Variants in CEP57L1 observed in about 807,000 individuals in gnomAD.
CEP57L1 encodes the protein centrosomal protein CEP57L1.
A neutral mutation model predicts 61.0 loss-of-function variants in CEP57L1; 37 were observed. The observed-to-expected ratio is 0.61, with a 90% CI of 0.47 to 0.80. The LOEUF is 0.80. CEP57L1 is among the 30% of genes least tolerant of loss of function. The pLI is 0.00. For synonymous variants in CEP57L1, 137 were observed against 162.3 expected (o/e 0.84, Z 1.19); for missense variants, 422 against 524.7 (o/e 0.80, Z 1.91).
rs138417096 is a variant in CEP57L1 at position 109,159,038 on chromosome 6, T to C, written c.758T>C (p.Ile253Thr). Residue 253 changes from isoleucine (I) to threonine (T), a missense_variant, in exon 8 of 11, where the codon ATA becomes ACA. Physicochemically the swap from Ile to Thr is moderately conservative, Grantham distance 89 (BLOSUM62 -1). Coordinates refer to ENST00000517392, the MANE Select transcript of CEP57L1 (RefSeq NM_001271852.3). ...GCCAATCTCTAGAAAACTAAATGTA[T>C]AAAGAGACGACCACCTTGGCAAATT... Reference protein sequence around the residue: ...KKKSSKKTKCIKRRPPWQICS... With the variant: ...KKKSSKKTKCTKRRPPWQICS... The C allele has an allele frequency of 5.6e-5, 90 of 1,613,176 alleles. 1 individual carries two copies. The African/African-American group carries it at 8.8e-4, about 16-fold the overall frequency.
intron 3 of CEP57L1, among the ~76,000 whole-genome samples, chr6:109,149,871 C>T (rs1288084449): frequency 1.3e-5 from 2 of 152,090 alleles, no homozygotes; most frequent in Admixed American, 6.5e-5. Flanking sequence ...ATTTTATTCT[C>T]TTTGAAGCAA....
intron 10 of CEP57L1, among the ~76,000 whole-genome samples, chr6:109,161,874 T>G (rs981489702): frequency 6.6e-6 from 1 of 152,086 alleles, no homozygotes; most frequent in Non-Finnish European, 1.5e-5. Context: ...TAATAAAAAT[T>G]GACTGTTAGC....
intron 10 of CEP57L1, among the ~76,000 whole-genome samples, chr6:109,162,208 C>T (rs1773776458): frequency 2.0e-5 from 3 of 151,976 alleles, no homozygotes; most frequent in African/African-American, 7.2e-5. Context: ...CATATTTATA[C>T]ACACACATAT....
Position 109,155,811 on chromosome 6 carries a change from C to G in CEP57L1, c.678C>G (p.Ile226Met), listed in dbSNP as rs767364253. ...TACAGCTTCAAACTGGACTTGAAAT[C>G]AGTAAAATTATAATGTCTTCAGTTT... is the stretch of plus-strand genomic sequence containing the variant. ...KASELQTGLE[I>M]SKIIMSSVSN... Residue 226 changes from isoleucine (I) to methionine (M), a missense_variant, in exon 7 of 11, where the codon ATC (isoleucine) becomes ATG (methionine). Ile to Met is a conservative substitution (Grantham distance 10, BLOSUM62 1). Coordinates refer to ENST00000517392, the MANE Select transcript of CEP57L1 (RefSeq NM_001271852.3). 1.9e-6 allele frequency: 3 copies of G among 1,563,610 alleles called. No homozygotes were observed. In the Admixed American group the frequency reaches 5.1e-5, roughly 27 times the overall value.
chr6:109,140,206 C>T (rs1029069154), intron 1 of CEP57L1, among the ~76,000 whole-genome samples: 1 of 151,810 alleles, frequency 6.6e-6, no homozygotes, highest in African/African-American at 2.4e-5. Flanking sequence ...GATTCTCCTC[C>T]CTCAGCCTCC....
At chr6:109,100,212 C>G (rs1218009151) in intron 1 of CEP57L1, 1 of 151,972 alleles carries the variant, frequency 6.6e-6, no homozygotes, top group Non-Finnish European at 1.5e-5. Flanking sequence ...CTAGTACAAA[C>G]TTAATAAATG....
intron 1 of CEP57L1, among the ~76,000 whole-genome samples, chr6:109,128,921 G>A (rs964804116): frequency 3.9e-5 from 6 of 152,156 alleles, no homozygotes; most frequent in African/African-American, 1.2e-4. Context: ...ACTGAAGGCC[G>A]GGCACAGTGG....
chr6:109,101,840 C>G (rs926411237), intron 1 of CEP57L1, among the ~76,000 whole-genome samples: 2 of 152,100 alleles, frequency 1.3e-5, no homozygotes, highest in Admixed American at 6.6e-5. Context: ...AAGATGGTCT[C>G]GATCTCCTGA....
At chr6:109,157,922 C>T (rs1260597417) in intron 7 of CEP57L1, 2 of 152,146 alleles carry the variant, frequency 1.3e-5, no homozygotes, top group Non-Finnish European at 2.9e-5. Context: ...AGATACAGAA[C>T]TCTTCCACCA....
chr6:109,155,629 A>G (rs760764467), intron 6 of CEP57L1, among the ~76,000 whole-genome samples, 162 bp from the exon 7 acceptor site: 3 of 151,986 alleles, frequency 2.0e-5, no homozygotes, highest in Non-Finnish European at 2.9e-5. Context: ...AATTACCAAT[A>G]GACTTAGTGA....
intron 1 of CEP57L1, among the ~76,000 whole-genome samples, chr6:109,096,019 A>G (rs545952875): frequency 6.6e-6 from 1 of 152,320 alleles, no homozygotes; most frequent in South Asian, 2.1e-4. Flanking sequence ...ATCTCGTAAA[A>G]GAATCCCCAG....
Position 109,146,779 on chromosome 6 carries a change from C to A in CEP57L1, c.182C>A (p.Thr61Asn). 1 of 1,574,796 alleles carries A rather than the reference C, an allele frequency of 6.4e-7. No individual in the cohort carries two copies. Among genetic ancestry groups the A allele is most frequent in the Non-Finnish European group, 8.6e-7 (1 of 1,167,134 alleles). ...ACAGCTCTTATTTTAGCCTTAAAAA[C>A]TCTTCAGGAAAAAATTCATCGTTTA... ...NSQALILALK[T>N]LQEKIHRLEL... is the part of the protein sequence containing the mutation. The change falls in exon 3 of 11, where the codon ACT becomes AAT. Residue 61 changes from threonine to asparagine, a missense_variant. By Grantham distance (65) the Thr-to-Asn change is moderately conservative. Coordinates refer to ENST00000517392, the MANE Select transcript of CEP57L1 (RefSeq NM_001271852.3).
chr6:109,160,422 CTTAA>C (rs1394511092), intron 9 of CEP57L1, 146 bp from the exon 10 acceptor site: 5 of 569,420 alleles, frequency 8.8e-6, no homozygotes, highest in African/African-American at 6.0e-5. Context: ...TTACCATAGA[CTTAA>C]TTAACCCTAA....
intron 7 of CEP57L1, 72 bp downstream of exon 7, chr6:109,155,949 ACCTAC>A (rs1773177665): frequency 1.5e-6 from 1 of 655,528 alleles, no homozygotes; most frequent in African/African-American, 1.9e-5. Context: ...TAATCCTTAT[ACCTAC>A]CCCTTTCCAA....
rs202070350 is a variant in CEP57L1 at position 109,169,226 on chromosome 6, CAAAA to C, written c.*6274_*6277del. The stretch of plus-strand genomic sequence containing the variant: ...GAGCAGCAGAGTGAGGCTCCATCAG[CAAAA>C]AAAAAAAAAAAAAAAAAGATCAGAG... On this transcript the variant is annotated 3_prime_UTR_variant, in exon 11 of 11. Coordinates refer to ENST00000517392, the MANE Select transcript of CEP57L1 (RefSeq NM_001271852.3). Among the ~76,000 whole-genome samples the C allele has an allele frequency of 2.1e-4, 14 of 67,542 alleles. No homozygotes were observed. Among genetic ancestry groups the C allele is most frequent in the African/African-American group, 6.9e-4 (12 of 17,410 alleles). The allele number at this position is 67,542 out of a possible 152,430, so 44.3% of individuals were successfully genotyped here. A position where few individuals can be genotyped will look rare whatever the true frequency, so the allele number is the denominator to read the frequency against.
chr6:109,118,918 T>C (rs781315368), intron 1 of CEP57L1, among the ~76,000 whole-genome samples: 1 of 152,212 alleles, frequency 6.6e-6, no homozygotes, highest in Non-Finnish European at 1.5e-5. Flanking sequence ...CTTTGATGAA[T>C]GAGGCGTGCA....
At position 109,171,537 on chromosome 6, in the gene CEP57L1, G is replaced by T. The variant is rs11970018; in HGVS notation, c.*8567G>T. Among the ~76,000 whole-genome samples, 1 of 151,756 alleles carries T rather than the reference G, an allele frequency of 6.6e-6. No individual in the cohort carries two copies. The highest frequency in any genetic ancestry group is 2.4e-5 in the African/African-American group (1 of 41,276). On this transcript the variant is annotated 3_prime_UTR_variant, in exon 11 of 11. Coordinates refer to ENST00000517392, the MANE Select transcript of CEP57L1 (RefSeq NM_001271852.3). The stretch of plus-strand genomic sequence containing the variant: ...TGGGATTACAGGTGTGAGCCACCGC[G>T]CCCTGCCTAGAGTTTGATTCTCTTA...
intron 1 of CEP57L1, among the ~76,000 whole-genome samples, chr6:109,126,134 A>G (rs1773538553): frequency 1.3e-5 from 2 of 152,170 alleles, no homozygotes; most frequent in South Asian, 2.1e-4. Flanking sequence ...CCCTGAAGAT[A>G]TGTATGCCCC....
chr6:109,097,980 T>C (rs1334764077), intron 1 of CEP57L1, among the ~76,000 whole-genome samples: 1 of 152,100 alleles, frequency 6.6e-6, no homozygotes, highest in Non-Finnish European at 1.5e-5. Context: ...AAGAGGAGAA[T>C]AACATGAGGT....
Sources: allele counts gnomAD v4.1 joint callset (sites outside exome capture counted in the v4.1 genomes callset), GRCh38; gene constraint gnomAD v4.1.1; transcripts MANE v1.5; gene names NCBI Gene and HGNC (gene_info 2026-07-23, HGNC 2026-07-21).